Variants in GLT1D1 observed in about 807,000 individuals in gnomAD.
The protein encoded by GLT1D1 is glycosyltransferase 1 domain-containing protein 1.
In GLT1D1, 21 loss-of-function variants were observed where a neutral mutation model predicts 28.7. The observed-to-expected ratio is 0.73, with a 90% confidence interval of 0.52 to 1.05. GLT1D1 has a LOEUF of 1.05. GLT1D1 is among the 50% of genes least tolerant of loss of function. The pLI, the probability that GLT1D1 is intolerant of heterozygous loss-of-function variation, is 0.00. For missense variants in GLT1D1, 343 were observed against 330.6 expected (o/e 1.04, Z -0.29); for synonymous variants, 147 against 124.8 (o/e 1.18, Z -1.19).
At position 128,907,498 on chromosome 12, in the gene GLT1D1, G is replaced by A. The variant is rs571502277; in HGVS notation, c.375+8211G>A. 6.5e-4 allele frequency among the ~76,000 whole-genome samples: 99 copies of A among 152,186 alleles called. 1 individual carries two copies. The highest frequency in any genetic ancestry group is 1.3e-3 in the Non-Finnish European group (89 of 68,004). The stretch of plus-strand genomic sequence containing the variant: ...TTTTTTGTATATTTAGTAGAGACGA[G>A]GTTTCACCGTGTTAGCCAGGCTGGT... On this transcript the variant is annotated intron_variant, in intron 4 of 7. Coordinates refer to ENST00000281703, the MANE Select transcript of GLT1D1 (RefSeq NM_144669.3).
At chr12:128,960,904 A>G (rs1450531927) in intron 7 of GLT1D1, among the ~76,000 whole-genome samples, 1 of 152,240 alleles carries the variant, frequency 6.6e-6, no homozygotes, top group African/African-American at 2.4e-5. Flanking sequence ...ATTCAAATCA[A>G]TGCTAAATGT....
chr12:128,941,017 A>G (rs1183565151), intron 4 of GLT1D1, among the ~76,000 whole-genome samples: 1 of 152,168 alleles, frequency 6.6e-6, no homozygotes, highest in Admixed American at 6.5e-5. Flanking sequence ...GGTAACCACC[A>G]ATCTACTTTC....
chr12:128,951,524 G>A (rs1407807776), intron 6 of GLT1D1, among the ~76,000 whole-genome samples: 4 of 152,146 alleles, frequency 2.6e-5, no homozygotes, highest in African/African-American at 9.7e-5. Flanking sequence ...AAACACAAAG[G>A]TGTCAGGTGC....
At position 128,970,462 on chromosome 12, in the gene GLT1D1, C is replaced by G. The variant is rs374284191; in HGVS notation, c.640-12467C>G. ...TGTTCCAGCAGCCTCCTCCTTCCAG[C>G]CCGCCCACTCCCTCCCCGCAGCCAC... On this transcript the variant is annotated intron_variant, in intron 7 of 7. Coordinates refer to ENST00000281703, the MANE Select transcript of GLT1D1 (RefSeq NM_144669.3). 4.0e-4 allele frequency among the ~76,000 whole-genome samples: 61 copies of G among 152,346 alleles called. 1 individual carries two copies. The highest frequency in any genetic ancestry group is 9.9e-4 in the African/African-American group (41 of 41,582).
intron 6 of GLT1D1, among the ~76,000 whole-genome samples, chr12:128,956,181 G>GAGAAAGAA (rs57175450): frequency 9.6e-5 from 8 of 83,430 alleles, no homozygotes; most frequent in Non-Finnish European, 1.6e-4. Flanking sequence ...AAGAGAAAGA[G>GAGAAAGAA]AGAAAGAAAG....
At chr12:128,881,140 C>G (rs978773942) in intron 2 of GLT1D1, among the ~76,000 whole-genome samples, 1 of 143,886 alleles carries the variant, frequency 6.9e-6, no homozygotes, top group Non-Finnish European at 1.5e-5. Flanking sequence ...AGGCGAGTGG[C>G]GTGAACCCGG....
At chr12:128,861,664 G>A (rs566473469) in intron 1 of GLT1D1, among the ~76,000 whole-genome samples, 2 of 152,310 alleles carry the variant, frequency 1.3e-5, no homozygotes, top group Non-Finnish European at 1.5e-5. Context: ...AACGGAGAGT[G>A]CAAAGGTGTG....
rs896088203 is a variant in GLT1D1 at position 128,984,536 on chromosome 12, G to C, written c.*1446G>C. 6.6e-6 allele frequency: 1 copy of C among 152,136 alleles called. No individual in the cohort carries two copies. Among genetic ancestry groups the C allele is most frequent in the African/African-American group, 2.4e-5 (1 of 41,404 alleles). The allele number at this position is 152,136 out of a possible 1,614,324, so 9.4% of individuals were successfully genotyped here. A position where few individuals can be genotyped will look rare whatever the true frequency, so the allele number is the denominator to read the frequency against. On this transcript the variant is annotated 3_prime_UTR_variant, in exon 8 of 8. Coordinates refer to ENST00000281703, the MANE Select transcript of GLT1D1 (RefSeq NM_144669.3). ...TAACTGGAAGCAGCAGAGGCTCCCAGCCGTGAGAGGACTGCTCAACAATGC... is the reference window on the plus strand; with the variant it reads ...TAACTGGAAGCAGCAGAGGCTCCCACCCGTGAGAGGACTGCTCAACAATGC...
intron 6 of GLT1D1, among the ~76,000 whole-genome samples, chr12:128,949,517 G>A (rs1281526119): frequency 6.6e-6 from 1 of 152,128 alleles, no homozygotes; most frequent in African/African-American, 2.4e-5. Flanking sequence ...AGAATTAGCT[G>A]TATTTTCCCA....
chr12:128,968,204 C>T (rs1214864100), intron 7 of GLT1D1, among the ~76,000 whole-genome samples: 1 of 151,782 alleles, frequency 6.6e-6, no homozygotes, highest in Non-Finnish European at 1.5e-5. Flanking sequence ...ACAGTGTTAG[C>T]CAAGATGGTC....
intron 2 of GLT1D1, among the ~76,000 whole-genome samples, chr12:128,879,365 ATTATTTTTTTCTTT>A (rs1566096102): frequency 4.0e-4 from 50 of 125,198 alleles, no homozygotes; most frequent in African/African-American, 1.7e-3. Context: ...AGTGATACTT[ATTATTTTTTTCTTT>A]TTCTTTCTTT....
At chr12:128,976,255 C>T (rs1879751770) in intron 7 of GLT1D1, among the ~76,000 whole-genome samples, 1 of 152,178 alleles carries the variant, frequency 6.6e-6, no homozygotes. Context: ...TTCCTGCAAT[C>T]CCCTGGGGGC....
At chr12:128,866,814 TTTCACCTTGTTGGCCAGGCTGGTCTTG>T (rs1956538669) in intron 1 of GLT1D1, among the ~76,000 whole-genome samples, 1 of 151,570 alleles carries the variant, frequency 6.6e-6, no homozygotes, top group South Asian at 2.1e-4. Context: ...AGAGACAGGG[TTTCACCTTGTTGGCCAGGCTGGTCTTG>T]AACTCCTGAC....
chr12:128,901,751 A>T (rs1870301336), intron 4 of GLT1D1, among the ~76,000 whole-genome samples: 1 of 146,878 alleles, frequency 6.8e-6, no homozygotes, highest in Non-Finnish European at 1.5e-5. Flanking sequence ...TTTTTTTATT[A>T]TTATTATTTT....
At chr12:128,860,681 C>T (rs1205417421) in intron 1 of GLT1D1, among the ~76,000 whole-genome samples, 2 of 152,138 alleles carry the variant, frequency 1.3e-5, no homozygotes, top group Non-Finnish European at 2.9e-5. Context: ...ATCCTTCGGG[C>T]AGGGTGCTTG....
chr12:128,952,469 C>CTTTT lies in GLT1D1; in HGVS notation c.540+5023_540+5026dup, dbSNP rs1555218596. On this transcript the variant is annotated intron_variant, in intron 6 of 7. Coordinates refer to ENST00000281703, the MANE Select transcript of GLT1D1 (RefSeq NM_144669.3). ...TGGGGCTGAAAAGGGAAATTTCTTT[C>CTTTT]TTTTTTTTTTTTTTTGAGATGAAGT... Among the ~76,000 whole-genome samples, 3 of 120,646 alleles carry CTTTT rather than the reference C, an allele frequency of 2.5e-5. 1 individual carries two copies. The highest frequency in any genetic ancestry group is 3.3e-5 in the African/African-American group (1 of 30,134). The allele number at this position is 120,646 out of a possible 152,430, so 79.1% of individuals were successfully genotyped here. A position where few individuals can be genotyped will look rare whatever the true frequency, so the allele number is the denominator to read the frequency against.
At chr12:128,885,979 G>T (rs1374239616) in intron 2 of GLT1D1, among the ~76,000 whole-genome samples, 1 of 152,148 alleles carries the variant, frequency 6.6e-6, no homozygotes, top group Non-Finnish European at 1.5e-5. Context: ...GGAAGGACCT[G>T]GTGGGAAGTA....
At chr12:128,875,736 G>T (rs1956853193) in intron 1 of GLT1D1, among the ~76,000 whole-genome samples, 178 bp from the exon 2 acceptor site, 1 of 151,884 alleles carries the variant, frequency 6.6e-6, no homozygotes, top group African/African-American at 2.4e-5. Context: ...GGAGGCGGAG[G>T]TTGCAGTGAG....
At chr12:128,908,676 G>A (rs1037329277) in intron 4 of GLT1D1, among the ~76,000 whole-genome samples, 17 of 151,844 alleles carry the variant, frequency 1.1e-4, no homozygotes, top group Non-Finnish European at 1.5e-4. Flanking sequence ...CAGGCCGGGC[G>A]CGGTGGCTCA....
Sources: allele counts gnomAD v4.1 joint callset (sites outside exome capture counted in the v4.1 genomes callset), GRCh38; gene constraint gnomAD v4.1.1; transcripts MANE v1.5; gene names NCBI Gene and HGNC (gene_info 2026-07-23, HGNC 2026-07-21).